TXNRD2: variants seen among roughly 807,000 people sequenced by gnomAD.
TXNRD2 encodes the protein thioredoxin reductase 2, mitochondrial.
TXNRD2 carries 67 observed loss-of-function variants against 70.8 expected under a neutral mutation model. The ratio of observed to expected loss-of-function variants is 0.95; its 90% confidence interval spans 0.78 to 1.16. The LOEUF is 1.16. Among genes scored for constraint, TXNRD2 ranks in the 50% most tolerant of loss-of-function variants. TXNRD2 has a pLI of 0.00. For missense variants in TXNRD2, 644 were observed against 719.9 expected, an observed-to-expected ratio of 0.89 and a Z score of 1.21; for synonymous variants, 301 against 295.8, an observed-to-expected ratio of 1.02 and a Z score of -0.18.
intron 16 of TXNRD2, 114 bp downstream of exon 16, chr22:19,877,976 C>T (rs898770477): frequency 4.9e-5 from 45 of 916,422 alleles, no homozygotes; most frequent in Middle Eastern, 2.1e-4. Context: ...TGCAAACCCA[C>T]GAAGGCCACA....
chr22:19,928,914 G>C (rs1406817237), intron 2 of TXNRD2, among the ~76,000 whole-genome samples: 1 of 151,622 alleles, frequency 6.6e-6, no homozygotes, highest in African/African-American at 2.4e-5. Context: ...GCTGTGGCAG[G>C]AGAATCGCTT....
At chr22:19,896,022 G>A (rs934860448) in intron 10 of TXNRD2, among the ~76,000 whole-genome samples, 3 of 150,308 alleles carry the variant, frequency 2.0e-5, no homozygotes, top group African/African-American at 7.4e-5. Flanking sequence ...GCAAGGCCGG[G>A]TGCGATGGCT....
intron 8 of TXNRD2, among the ~76,000 whole-genome samples, chr22:19,909,542 CAT>C (rs138998150): frequency 0.12 from 13,741 of 116,556 alleles, 775 homozygotes; most frequent in East Asian, 0.25. Flanking sequence ...CACACACACA[CAT>C]AACCACTCAC....
chr22:19,919,579 C>A lies in TXNRD2; in HGVS notation c.193G>T (p.Val65Leu). ...GGTTCCACGTAGTCCACCACGGCCA[C>A]CTTCCTTCCCAGCTGGGCGGCTGGA... ...AKEAAQLGRK[V>L]AVVDYVEPSP... The change falls in exon 3 of 18, where the codon GTG becomes TTG. Residue 65 changes from valine (V) to leucine (L), a missense_variant. This residue lies in a region of TXNRD2 where 566 missense variants were observed against 645.0 expected (regional missense o/e 0.88). Transcript: ENST00000400521. 1 of 1,562,918 alleles carries A rather than the reference C, an allele frequency of 6.4e-7. No homozygotes were observed. The highest frequency in any genetic ancestry group is 2.4e-5 in the East Asian group (1 of 41,090).
At chr22:19,884,565 C>T (rs1393290746) in intron 11 of TXNRD2, 3 of 152,256 alleles carry the variant, frequency 2.0e-5, no homozygotes, top group Non-Finnish European at 4.4e-5. Flanking sequence ...TCTGCAGCAC[C>T]ACAGCCTGAT....
intron 8 of TXNRD2, among the ~76,000 whole-genome samples, chr22:19,909,868 C>CCCCACTCACACACACA (rs1940300227): frequency 1.6e-5 from 2 of 122,072 alleles, no homozygotes; most frequent in African/African-American, 6.7e-5. Context: ...ACCACACACA[C>CCCCACTCACACACACA]ACCACTCACA....
intron 8 of TXNRD2, among the ~76,000 whole-genome samples, chr22:19,907,009 A>G (rs1601429386): frequency 1.2e-5 from 1 of 85,814 alleles, no homozygotes; most frequent in African/African-American, 4.7e-5. Flanking sequence ...CTCTCAGGAG[A>G]GTGTGGGCGC....
chr22:19,911,900 G>A (rs1240137661), intron 7 of TXNRD2, among the ~76,000 whole-genome samples: 1 of 152,202 alleles, frequency 6.6e-6, no homozygotes, highest in Non-Finnish European at 1.5e-5. Context: ...AGGAAGTGGG[G>A]AGAGAACAGG....
At chr22:19,911,007 AG>A (rs1353416999) in intron 8 of TXNRD2, 1 of 325,110 alleles carries the variant, frequency 3.1e-6, no homozygotes, top group Non-Finnish European at 5.9e-6. Flanking sequence ...CCTGGGAGGC[AG>A]GGATTGCAGT....
intron 13 of TXNRD2, 152 bp from the exon 14 acceptor site, chr22:19,880,423 T>C: frequency 1.1e-6 from 1 of 926,716 alleles, no homozygotes; most frequent in Non-Finnish European, 1.7e-6. Flanking sequence ...TGCCCACGCC[T>C]GCGCCACACT....
chr22:19,915,000 T>C, intron 7 of TXNRD2: 1 of 575,904 alleles, frequency 1.7e-6, no homozygotes, highest in Non-Finnish European at 3.2e-6. Context: ...ACGAGAGCTG[T>C]CCTGAGGATC....
intron 10 of TXNRD2, 72 bp from the exon 11 acceptor site, chr22:19,895,653 C>G: frequency 6.4e-7 from 1 of 1,565,396 alleles, no homozygotes; most frequent in Non-Finnish European, 8.7e-7. Context: ...CTGCCCTGCT[C>G]TCGAAGGCCT....
chr22:19,878,062 A>G (rs201927146), intron 16 of TXNRD2, 28 bp downstream of exon 16: 4 of 1,588,990 alleles, frequency 2.5e-6, no homozygotes, highest in Admixed American at 1.7e-5. Context: ...TGCACATCGC[A>G]TCGCAGCCTG....
At chr22:19,928,702 G>A (rs1941244658) in intron 2 of TXNRD2, among the ~76,000 whole-genome samples, 1 of 152,056 alleles carries the variant, frequency 6.6e-6, no homozygotes. Context: ...TAGAGATAGG[G>A]TCTTCAAAAA....
chr22:19,931,000 G>A, intron 2 of TXNRD2, 30 bp downstream of exon 2: 1 of 1,608,902 alleles, frequency 6.2e-7, no homozygotes, highest in Non-Finnish European at 8.5e-7. Context: ...AAGCTTCGAG[G>A]CCTTGCCACG....
chr22:19,880,798 C>G, intron 12 of TXNRD2, 81 bp from the exon 13 acceptor site: 1 of 946,248 alleles, frequency 1.1e-6, no homozygotes, highest in East Asian at 2.5e-5. Flanking sequence ...CTTTGCCCTC[C>G]GAGTGGGCAT....
chr22:19,899,002 G>C lies in TXNRD2; in HGVS notation c.682+47C>G, dbSNP rs529890019. The C allele has an allele frequency of 1.2e-5, 20 of 1,602,794 alleles. No homozygotes were observed. The African/African-American group carries it at 2.0e-4, about 16-fold the overall frequency. On this transcript the variant is annotated intron_variant, in intron 9 of 17. Transcript: ENST00000400521. ...GTGGCAGGGAGGGACTCAAGGGAAG[G>C]AGTGTCCAGTTCCCAGGACGGCCAC...
At chr22:19,920,869 A>G (rs1376572201) in intron 2 of TXNRD2, among the ~76,000 whole-genome samples, 2 of 152,142 alleles carry the variant, frequency 1.3e-5, no homozygotes, top group Non-Finnish European at 2.9e-5. Context: ...TTGGGAGGCC[A>G]AGGTGGGCAG....
chr22:19,917,342 C>T (rs1191329993), intron 5 of TXNRD2, among the ~76,000 whole-genome samples: 1 of 152,128 alleles, frequency 6.6e-6, no homozygotes, highest in African/African-American at 2.4e-5. Flanking sequence ...TGGCTTAGCT[C>T]CCTGGATAGG....
Sources: gnomAD v4.1 joint callset for allele counts (sites outside exome capture counted in the v4.1 genomes callset) on GRCh38, gnomAD v4.1.1 for gene constraint, gnomAD v4.1.1 regional missense constraint, MANE v1.5 for transcripts, NCBI Gene and HGNC (gene_info 2026-07-23, HGNC 2026-07-21) for gene names.